Variants in EXOC1 observed in about 807,000 individuals in gnomAD.
EXOC1 encodes SEC3-like 1.
A neutral mutation model predicts 107.7 loss-of-function variants in EXOC1; 67 were observed. The ratio of observed to expected loss-of-function variants is 0.62; its 90% CI spans 0.51 to 0.76. EXOC1 has a LOEUF of 0.76. Ranked by LOEUF, EXOC1 falls within the 30% of genes least tolerant of loss-of-function variation. The pLI is 0.00. For synonymous variants in EXOC1, 348 were observed against 353.5 expected (o/e 0.98, Z 0.17); for missense variants, 833 against 1,055.7 (o/e 0.79, Z 2.92).
intron 16 of EXOC1, among the ~76,000 whole-genome samples, chr4:55,899,096 T>C (rs1043747478): frequency 1.3e-5 from 2 of 152,116 alleles, no homozygotes; most frequent in African/African-American, 4.8e-5. Context: ...TGATAGGCTA[T>C]AAATTATCTC....
intron 16 of EXOC1, 21 bp downstream of exon 16, chr4:55,896,921 A>G (rs762728811): frequency 7.1e-6 from 11 of 1,559,506 alleles, no homozygotes; most frequent in South Asian, 1.2e-5. Context: ...GTTATGTTCT[A>G]AAGAATTGTT....
chr4:55,891,730 G>A (rs917483627), intron 13 of EXOC1, among the ~76,000 whole-genome samples: 1 of 152,064 alleles, frequency 6.6e-6, no homozygotes, highest in Non-Finnish European at 1.5e-5. Context: ...TAAAAGGCTA[G>A]TTTAACATTT....
At chr4:55,886,356 A>G (rs1218495251) in intron 10 of EXOC1, among the ~76,000 whole-genome samples, 6 of 151,948 alleles carry the variant, frequency 3.9e-5, no homozygotes, top group Admixed American at 6.6e-5. Flanking sequence ...AGGTCGAGAC[A>G]AGCCTTGGTA....
Position 55,889,014 on chromosome 4 carries a change from A to G in EXOC1, c.1375+82A>G, listed in dbSNP as rs1166186154. The G allele has an allele frequency of 2.0e-6, 3 of 1,466,812 alleles. No homozygotes were observed. The African/African-American group carries it at 4.2e-5, about 20-fold the overall frequency. 90.9% of individuals were successfully genotyped at this position (1,466,812 alleles called of 1,614,324 possible). A position where few individuals can be genotyped will look rare whatever the true frequency, so the allele number is the denominator to read the frequency against. On this transcript the variant is annotated intron_variant, in intron 11 of 18. Coordinates refer to ENST00000381295, the MANE Select transcript of EXOC1 (RefSeq NM_001024924.2). ...GAAATTAGTTGTCTTGAAAAAAGGT[A>G]ACACCAAAAATTTTGATTGCTCTGA...
In EXOC1 at chr4:55,893,762, G is replaced by A; in HGVS notation, c.1935G>A (p.Arg645=). ...GAAATGTTTTGGTGACTGTCAAAAG[G>A]AACTTTGACAAATGCATTGTAAGTT... is the stretch of plus-strand genomic sequence containing the variant. ...TLGNVLVTVK[R]NFDKCISNQI... The change falls in exon 15 of 19, where the codon AGG becomes AGA. Residue 645 remains arginine, a synonymous_variant. Transcript: ENST00000381295. 6.2e-7 allele frequency: 1 copy of A among 1,612,126 alleles called. No homozygotes were observed. The highest frequency in any genetic ancestry group is 8.5e-7 in the Non-Finnish European group (1 of 1,179,326).
chr4:55,878,833 A>G (rs1233293832), intron 9 of EXOC1, among the ~76,000 whole-genome samples: 1 of 152,236 alleles, frequency 6.6e-6, no homozygotes, highest in African/African-American at 2.4e-5. Context: ...GTGAGAAATT[A>G]TGTTGAAAAA....
At chr4:55,889,955 A>G (rs543903652) in intron 11 of EXOC1, among the ~76,000 whole-genome samples, 6 of 152,336 alleles carry the variant, frequency 3.9e-5, no homozygotes, top group African/African-American at 9.6e-5. Context: ...GGCAGGTTAT[A>G]GACAATATGC....
chr4:55,854,971 G>T (rs1720826334), intron 1 of EXOC1, among the ~76,000 whole-genome samples: 1 of 152,188 alleles, frequency 6.6e-6, no homozygotes, highest in African/African-American at 2.4e-5. Flanking sequence ...TTAGAGGAGA[G>T]ATCACTTTGG....
At chr4:55,894,061 A>C (rs1724897756) in intron 15 of EXOC1, among the ~76,000 whole-genome samples, 1 of 152,166 alleles carries the variant, frequency 6.6e-6, no homozygotes, top group South Asian at 2.1e-4. Context: ...GCAGTGACTC[A>C]CACCTGTAAT....
intron 9 of EXOC1, among the ~76,000 whole-genome samples, chr4:55,881,739 G>T (rs1007543924): frequency 1.3e-5 from 2 of 152,188 alleles, no homozygotes; most frequent in Admixed American, 1.3e-4. Context: ...AATCAGATAC[G>T]CATTTATCTC....
At chr4:55,871,368 GATT>G in intron 7 of EXOC1, 135 bp downstream of exon 7, 7 of 1,145,758 alleles carry the variant, frequency 6.1e-6, no homozygotes, top group Non-Finnish European at 8.3e-6. Flanking sequence ...AAGTTTCACT[GATT>G]TCCCAACTTA....
rs190586656 is a variant in EXOC1 at position 55,863,831 on chromosome 4, A to G, written c.256-396A>G. 1.5e-4 allele frequency among the ~76,000 whole-genome samples: 23 copies of G among 152,342 alleles called. No homozygotes were observed. In the East Asian group the frequency reaches 3.9e-3, roughly 26 times the overall value. The stretch of plus-strand genomic sequence containing the variant: ...AGTTAGTGTCCAATTACAGTTTCAA[A>G]TAGTAGTACATTATTAAAGAAAATG... On this transcript the variant is annotated intron_variant, in intron 3 of 18. Coordinates refer to ENST00000381295, the MANE Select transcript of EXOC1 (RefSeq NM_001024924.2).
At chr4:55,874,367 C>G (rs1722706970) in intron 8 of EXOC1, among the ~76,000 whole-genome samples, 1 of 151,890 alleles carries the variant, frequency 6.6e-6, no homozygotes, top group African/African-American at 2.4e-5. Flanking sequence ...AAATAAAGAC[C>G]TTTAAAAAGA....
chr4:55,856,703 A>G (rs563432974), intron 1 of EXOC1, among the ~76,000 whole-genome samples: 1 of 152,322 alleles, frequency 6.6e-6, no homozygotes, highest in Non-Finnish European at 1.5e-5. Context: ...ATCCACACAA[A>G]TATGTATATG....
chr4:55,874,152 G>A lies in EXOC1; in HGVS notation c.1074+2194G>A, dbSNP rs544916000. ...ATTGCAGATAAGGTAGGACTTGAAC[G>A]AGTCCATGCAATACAGTTTATAGCA... On this transcript the variant is annotated intron_variant, in intron 8 of 18. Transcript: ENST00000381295. Among the ~76,000 whole-genome samples the A allele has an allele frequency of 5.3e-5, 8 of 152,170 alleles. No individual in the cohort carries two copies. The South Asian group carries it at 6.2e-4, about 12-fold the overall frequency.
rs1019697470 is a variant in EXOC1 at position 55,875,896 on chromosome 4, C to G, written c.1075-2021C>G. 20 of 892,930 alleles carry G rather than the reference C, an allele frequency of 2.2e-5. No individual in the cohort carries two copies. In the African/African-American group the frequency reaches 3.4e-4, roughly 15 times the overall value. 55.3% of individuals were successfully genotyped at this position (892,930 alleles called of 1,614,324 possible). On this transcript the variant is annotated intron_variant, in intron 8 of 18. Coordinates refer to ENST00000381295, the MANE Select transcript of EXOC1 (RefSeq NM_001024924.2). ...CCTGGGCAGCATAGTAAGACTCCAT[C>G]TCTATTAATAAAAATAAATTTTTAA...
At chr4:55,893,918 C>T (rs779690444) in intron 15 of EXOC1, 138 bp downstream of exon 15, 31 of 690,510 alleles carry the variant, frequency 4.5e-5, no homozygotes, top group Non-Finnish European at 6.9e-5. Flanking sequence ...GGCATGGCAA[C>T]AATCTACATG....
intron 3 of EXOC1, among the ~76,000 whole-genome samples, chr4:55,862,994 G>A (rs188801816): frequency 1.5e-3 from 221 of 152,088 alleles, no homozygotes; most frequent in Non-Finnish European, 2.7e-3. Context: ...TCCACCTTCC[G>A]GGCTCAAGCC....
rs767308214 is a variant in EXOC1 at position 55,888,940 on chromosome 4, T to C, written c.1375+8T>C. The C allele has an allele frequency of 1.9e-6, 3 of 1,613,262 alleles. No individual in the cohort carries two copies. Among genetic ancestry groups the C allele is most frequent in the Non-Finnish European group, 2.5e-6 (3 of 1,179,358 alleles). On this transcript the variant is annotated splice_region_variant and intron_variant, in intron 11 of 18. Transcript: ENST00000381295. ...TCAAACAGGAAACAGAGAGTGAGTA[T>C]GCTTAGTGTATTAGTAGGTATTCTC...
Sources: allele counts gnomAD v4.1 joint callset (sites outside exome capture counted in the v4.1 genomes callset), GRCh38; gene constraint gnomAD v4.1.1; transcripts MANE v1.5; gene names NCBI Gene and HGNC (gene_info 2026-07-23, HGNC 2026-07-21).